Variants in SCRG1 observed in about 807,000 individuals in gnomAD.
SCRG1 encodes the protein scrapie-responsive protein 1.
A neutral mutation model predicts 7.7 loss-of-function variants in SCRG1; 3 were observed. The observed-to-expected ratio is 0.39, with a 90% confidence interval of 0.18 to 1.01. The LOEUF (loss-of-function observed/expected upper bound fraction) is 1.01, where lower values mean the gene tolerates loss of function less well. Among genes scored for constraint, SCRG1 ranks in the 50% least tolerant of loss-of-function variants. The probability of loss-of-function intolerance (pLI) is 0.36; values close to 1 mark genes in which losing one functional copy is unlikely to be tolerated. For synonymous variants in SCRG1, 46 were observed against 41.2 expected (o/e 1.12, Z -0.44); for missense variants, 110 against 117.2 (o/e 0.94, Z 0.28).
At chr4:173,426,944 G>A in the SCRG1 span, among the ~76,000 whole-genome samples, 2 of 152,192 alleles carry the variant, frequency 1.3e-5, no homozygotes, top group Admixed American at 6.5e-5. Context: ...GCATACTGAT[G>A]TATTTGTGAG....
chr4:173,506,658 G>A, the SCRG1 span, among the ~76,000 whole-genome samples: 1 of 152,168 alleles, frequency 6.6e-6, no homozygotes, highest in Non-Finnish European at 1.5e-5. This position sits in a 1 kb window ranked among gnomAD's most constrained non-coding sequence, Gnocchi z 5.3. Flanking sequence ...CCTGATAGCA[G>A]AACTGAGGCG....
At chr4:173,513,294 G>A in the SCRG1 span, among the ~76,000 whole-genome samples, 1,135 of 151,804 alleles carry the variant, frequency 7.5e-3, 11 homozygotes, top group Middle Eastern at 0.024. Context: ...GGAGTCCTAG[G>A]GATTGATTAT....
chr4:173,421,829 C>T, the SCRG1 span, among the ~76,000 whole-genome samples: 6 of 152,118 alleles, frequency 3.9e-5, no homozygotes, highest in African/African-American at 1.4e-4. Flanking sequence ...GAAGACTTTC[C>T]TCTAAAAGAT....
chr4:173,416,375 C>T, the SCRG1 span, among the ~76,000 whole-genome samples: 2 of 152,242 alleles, frequency 1.3e-5, no homozygotes, highest in African/African-American at 2.4e-5. Context: ...CTCCTTGTGC[C>T]CATCTTGTGG....
chr4:173,493,616 G>GAAAAA, the SCRG1 span, among the ~76,000 whole-genome samples: 1 of 95,688 alleles, frequency 1.0e-5, no homozygotes. Context: ...GACTCAGTCA[G>GAAAAA]AAAAAAAAAA....
the SCRG1 span, among the ~76,000 whole-genome samples, chr4:173,482,762 G>A: frequency 1.3e-5 from 2 of 151,182 alleles, no homozygotes; most frequent in African/African-American, 4.9e-5. Flanking sequence ...AGGCTGCAGT[G>A]AGCTATGAAT....
the SCRG1 span, among the ~76,000 whole-genome samples, chr4:173,454,566 T>C: frequency 6.6e-6 from 1 of 152,232 alleles, no homozygotes; most frequent in Non-Finnish European, 1.5e-5. Context: ...GATTGATTTA[T>C]AGTATCATTA....
chr4:173,452,768 A>G, the SCRG1 span, among the ~76,000 whole-genome samples: 1 of 152,170 alleles, frequency 6.6e-6, no homozygotes, highest in South Asian at 2.1e-4. Context: ...GTTTTTTGCT[A>G]TGATGATTTT....
upstream of SCRG1, chr4:173,406,426 G>A (rs1739908038): frequency 1.3e-5 from 2 of 152,126 alleles, no homozygotes; most frequent in South Asian, 2.1e-4. Flanking sequence ...AAGTTAGATT[G>A]TTTTGTCACA....
At chr4:173,397,318 A>G (rs1304974964) in intron 1 of SCRG1, among the ~76,000 whole-genome samples, 1 of 152,076 alleles carries the variant, frequency 6.6e-6, no homozygotes, top group Non-Finnish European at 1.5e-5. Context: ...TTTGAAGAAA[A>G]TTGGTCTTTT....
At chr4:173,408,403 C>G (rs1255411794), upstream of SCRG1, among the ~76,000 whole-genome samples, 1 of 152,162 alleles carries the variant, frequency 6.6e-6, no homozygotes, top group African/African-American at 2.4e-5. Flanking sequence ...ATTGTTACTA[C>G]CTTACAGAAT....
At chr4:173,468,135 T>C in the SCRG1 span, 1 of 152,604 alleles carries the variant, frequency 6.6e-6, no homozygotes, top group Non-Finnish European at 1.5e-5. Context: ...GGACCACATA[T>C]ACAACGGTGG....
the SCRG1 span, among the ~76,000 whole-genome samples, chr4:173,470,277 T>C: frequency 1.3e-4 from 20 of 152,132 alleles, no homozygotes; most frequent in Admixed American, 1.0e-3. Context: ...TTTTAATTGG[T>C]ACAGAAACCT....
chr4:173,419,604 A>G, the SCRG1 span: 29 of 725,122 alleles, frequency 4.0e-5, no homozygotes, highest in Middle Eastern at 7.2e-4. Context: ...CCAAGGATTC[A>G]TTTGGTACTG....
the SCRG1 span, among the ~76,000 whole-genome samples, chr4:173,517,531 A>T: frequency 6.6e-6 from 1 of 152,118 alleles, no homozygotes; most frequent in Non-Finnish European, 1.5e-5. Flanking sequence ...GTTCTTTCAC[A>T]ATCAGATGGT....
the SCRG1 span, among the ~76,000 whole-genome samples, chr4:173,417,219 T>C: frequency 6.6e-6 from 1 of 152,142 alleles, no homozygotes; most frequent in African/African-American, 2.4e-5. Flanking sequence ...GTGTTAAAAC[T>C]AAACAGCACC....
At chr4:173,518,764 G>A in the SCRG1 span, among the ~76,000 whole-genome samples, 404 of 152,274 alleles carry the variant, frequency 2.7e-3, 1 homozygote, top group African/African-American at 9.4e-3. Context: ...GACCCTCCGC[G>A]GAGCAAAGAC....
At chr4:173,493,068 C>T in the SCRG1 span, among the ~76,000 whole-genome samples, 1 of 152,126 alleles carries the variant, frequency 6.6e-6, no homozygotes, top group Non-Finnish European at 1.5e-5. Context: ...TGGGAAGTCT[C>T]AGAAGTAACC....
chr4:173,484,103 T>TATAAA, the SCRG1 span, among the ~76,000 whole-genome samples: 1 of 88,360 alleles, frequency 1.1e-5, no homozygotes, highest in African/African-American at 4.5e-5. Context: ...CCATATATAA[T>TATAAA]ATATAATATA....
Sources: gnomAD v4.1 joint callset for allele counts (sites outside exome capture counted in the v4.1 genomes callset) on GRCh38, gnomAD v4.1.1 for gene constraint, Gnocchi (gnomAD v3.1) non-coding constraint, MANE v1.5 for transcripts, NCBI Gene and HGNC (gene_info 2026-07-23, HGNC 2026-07-21) for gene names.